ZFHX3: variants seen among roughly 807,000 people sequenced by gnomAD.
The protein encoded by ZFHX3 is zinc finger homeobox protein 3.
In ZFHX3, 42 loss-of-function variants were observed where a neutral mutation model predicts 279.1. The observed-to-expected ratio is 0.15, with a 90% confidence interval of 0.12 to 0.19. ZFHX3 has a LOEUF of 0.19. Ranked by LOEUF, ZFHX3 falls within the 10% of genes least tolerant of loss-of-function variation. The pLI is 1.00. For synonymous variants in ZFHX3, 2,293 were observed against 1,957.8 expected (o/e 1.17, Z -4.52); for missense variants, 4,981 against 4,754.0 (o/e 1.05, Z -1.40).
intron 4 of ZFHX3, among the ~76,000 whole-genome samples, chr16:73,261,452 C>T (rs1219625487): frequency 4.0e-5 from 6 of 151,820 alleles, no homozygotes; most frequent in Admixed American, 6.6e-5. Flanking sequence ...CTTTGTTGTA[C>T]CATTTAAATT....
intron 3 of ZFHX3, among the ~76,000 whole-genome samples, chr16:72,907,681 CTTT>C (rs71156129): frequency 1.6e-4 from 21 of 131,860 alleles, no homozygotes; most frequent in Admixed American, 2.3e-4. Flanking sequence ...CTCCAAATTC[CTTT>C]TTTTTTTTTT....
At position 72,959,953 on chromosome 16, in the gene ZFHX3, T is replaced by A. The variant is rs746750953; in HGVS notation, c.193A>T (p.Thr65Ser). 6.2e-7 allele frequency: 1 copy of A among 1,605,590 alleles called. No individual in the cohort carries two copies. The highest frequency in any genetic ancestry group is 8.5e-7 in the Non-Finnish European group (1 of 1,175,762). The stretch of plus-strand genomic sequence containing the variant: ...TCGGAGGGGGGCCCGGCCGACGCGG[T>A]GCTCTCCGCGAGGCGCTCATTGAAG... ...APFNERLAES[T>S]ASAGPPSEPA... Residue 65 changes from threonine (T) to serine (S), a missense_variant, in exon 2 of 10, where the codon ACC becomes TCC. Around this residue, in one of 7 missense-constraint regions of ZFHX3, gnomAD observed 1,068 missense variants for 935.2 expected, o/e 1.14. Transcript: ENST00000268489.
At chr16:73,657,222 C>T (rs1182596663) in intron 2 of ZFHX3, among the ~76,000 whole-genome samples, 1 of 152,126 alleles carries the variant, frequency 6.6e-6, no homozygotes, top group Non-Finnish European at 1.5e-5. Flanking sequence ...TTTGGGAGGC[C>T]AAGGCAGGAA....
chr16:73,403,043 C>CGTGTGTGCATGTGTACACGTGTGCAT (rs1314212327), intron 3 of ZFHX3, among the ~76,000 whole-genome samples: 11 of 152,112 alleles, frequency 7.2e-5, no homozygotes, highest in African/African-American at 2.7e-4. Context: ...GGCACACACA[C>CGTGTGTGCATGTGTACACGTGTGCAT]GTGTGTGCAT....
At chr16:73,687,870 C>T (rs1452796435) in intron 1 of ZFHX3, among the ~76,000 whole-genome samples, 1 of 121,072 alleles carries the variant, frequency 8.3e-6, no homozygotes, top group Non-Finnish European at 1.7e-5. Context: ...AAAAAAAAAA[C>T]AGATTTAGTA....
At chr16:73,571,565 A>G (rs2051736616) in intron 2 of ZFHX3, among the ~76,000 whole-genome samples, 2 of 152,200 alleles carry the variant, frequency 1.3e-5, no homozygotes, top group Non-Finnish European at 2.9e-5. Flanking sequence ...AAGACAGTTC[A>G]TGTTTTACAC....
intron 7 of ZFHX3, among the ~76,000 whole-genome samples, chr16:73,106,615 G>T (rs9930595): frequency 2.0e-5 from 3 of 152,120 alleles, no homozygotes; most frequent in Admixed American, 6.6e-5. Flanking sequence ...AATCTTGCAC[G>T]GCAATAACTA....
intron 7 of ZFHX3, among the ~76,000 whole-genome samples, chr16:73,101,031 C>A (rs531836964): frequency 1.2e-4 from 18 of 152,260 alleles, no homozygotes; most frequent in African/African-American, 2.6e-4. Flanking sequence ...TGCTTCAGCA[C>A]CCCCTCAACC....
intron 2 of ZFHX3, among the ~76,000 whole-genome samples, chr16:73,484,970 G>GAA (rs11407891): frequency 2.7e-5 from 4 of 145,924 alleles, no homozygotes; most frequent in African/African-American, 5.0e-5. Context: ...TTCCCATAAG[G>GAA]AAAAAAAAAA....
chr16:73,800,803 C>T lies in ZFHX3; in HGVS notation c.-1608+90848G>A, dbSNP rs186504626. Among the ~76,000 whole-genome samples, 342 of 152,212 alleles carry T rather than the reference C, an allele frequency of 2.2e-3. 4 individuals carry two copies. In the Middle Eastern group the frequency reaches 0.061, roughly 27 times the overall value. ...ATCCTCTGGGCTGAAGTTCAGACTC[C>T]GTCTACCCCCAAAAGAAAAACAGCA... On this transcript the variant is annotated intron_variant, in intron 1 of 17. Transcript: ENST00000641206.
At chr16:73,606,165 G>C in intron 2 of ZFHX3, among the ~76,000 whole-genome samples, 1 of 124,844 alleles carries the variant, frequency 8.0e-6, no homozygotes, top group African/African-American at 3.2e-5. Context: ...CTGGGGGATT[G>C]AGCTAGGCTC....
chr16:73,503,212 T>C (rs1445250496), intron 2 of ZFHX3, among the ~76,000 whole-genome samples: 1 of 152,222 alleles, frequency 6.6e-6, no homozygotes, highest in African/African-American at 2.4e-5. Flanking sequence ...GAGGCACTTA[T>C]CTAAATATCC....
intron 1 of ZFHX3, among the ~76,000 whole-genome samples, chr16:73,014,775 G>C (rs1035744208): frequency 1.3e-5 from 2 of 151,866 alleles, no homozygotes; most frequent in African/African-American, 4.8e-5. Flanking sequence ...GCCTCCCAAA[G>C]TGCTGGGATT....
intron 3 of ZFHX3, among the ~76,000 whole-genome samples, chr16:73,380,767 G>T (rs1376859731): frequency 6.6e-6 from 1 of 152,196 alleles, no homozygotes; most frequent in East Asian, 1.9e-4. Flanking sequence ...CTGTTTGGGA[G>T]GCCAAGGTGG....
At chr16:73,368,085 G>C (rs368739853) in intron 3 of ZFHX3, among the ~76,000 whole-genome samples, 13 of 152,134 alleles carry the variant, frequency 8.5e-5, no homozygotes, top group African/African-American at 3.1e-4. Flanking sequence ...TGGCCAGGCT[G>C]GTCTCAAACT....
intron 1 of ZFHX3, among the ~76,000 whole-genome samples, chr16:73,842,628 G>C (rs1961339968): frequency 6.6e-6 from 1 of 152,152 alleles, no homozygotes; most frequent in South Asian, 2.1e-4. Flanking sequence ...ATGCAGGACA[G>C]TGACAGCCAA....
At chr16:73,802,361 G>A (rs913506770) in intron 1 of ZFHX3, among the ~76,000 whole-genome samples, 6 of 152,230 alleles carry the variant, frequency 3.9e-5, no homozygotes, top group Non-Finnish European at 8.8e-5. Context: ...TAGATAATTT[G>A]CTATGGGTGT....
In ZFHX3 at chr16:73,458,276, TTC is replaced by T. The variant is rs538984923; in HGVS notation, c.-1546-2020_-1546-2019del. ...CTTTTTTCTTTTCTCCTTTCTTTCT[TTC>T]TCTCTTTCTCTCTCTCTCTTTCCTT... On this transcript the variant is annotated intron_variant, in intron 2 of 17. Transcript: ENST00000641206. Among the ~76,000 whole-genome samples, 32 of 151,738 alleles carry T rather than the reference TTC, an allele frequency of 2.1e-4. No homozygotes were observed. In the East Asian group the frequency reaches 5.5e-3, roughly 26 times the overall value.
At position 72,931,488 on chromosome 16, in the gene ZFHX3, G is replaced by T. The variant is rs12935672; in HGVS notation, c.3216+18981C>A. ...GCTTTCAAAAGAGGTCGGGGGAAGG[G>T]AGAAAACAATCATGACTTCAGTAGC... On this transcript the variant is annotated intron_variant, in intron 3 of 9. Coordinates refer to ENST00000268489, the MANE Select transcript of ZFHX3 (RefSeq NM_006885.4). 8.9e-3 allele frequency among the ~76,000 whole-genome samples: 1,322 copies of T among 148,794 alleles called. 6 individuals carry two copies. The highest frequency in any genetic ancestry group is 0.013 in the Non-Finnish European group (877 of 67,588).
Sources: gnomAD v4.1 joint callset for allele counts (sites outside exome capture counted in the v4.1 genomes callset) on GRCh38, gnomAD v4.1.1 for gene constraint, gnomAD v4.1.1 regional missense constraint, MANE v1.5 for transcripts, NCBI Gene and HGNC (gene_info 2026-07-23, HGNC 2026-07-21) for gene names.